TRAF3: variants seen among roughly 807,000 people sequenced by gnomAD.
The protein encoded by TRAF3 is TNF receptor-associated factor 3.
Under a neutral mutation model 62.3 loss-of-function variants are expected in TRAF3, and 13 were observed. The observed-to-expected ratio is 0.21, with a 90% confidence interval of 0.14 to 0.33. The LOEUF is 0.33. TRAF3 is among the 10% of genes least tolerant of loss of function. The pLI is 1.00. For synonymous variants in TRAF3, 269 were observed against 283.4 expected (o/e 0.95, Z 0.51); for missense variants, 440 against 741.8 (o/e 0.59, Z 4.73).
At chr14:102,851,474 G>A (rs1457789716) in intron 2 of TRAF3, among the ~76,000 whole-genome samples, 1 of 152,238 alleles carries the variant, frequency 6.6e-6, no homozygotes, top group Non-Finnish European at 1.5e-5. Context: ...GCCGGGCGCA[G>A]TGGCTCAGGC....
Position 102,822,879 on chromosome 14 carries a change from G to A in TRAF3, c.-156-7455G>A, listed in dbSNP as rs1490155811. On this transcript the variant is annotated intron_variant, in intron 1 of 11. Coordinates refer to ENST00000392745, the MANE Select transcript of TRAF3 (RefSeq NM_145725.3). ...AAATTAGCCGGGCATGGTGGCACAT[G>A]CCTGTAATTCCAGCTACTGGGGAGG... 4.6e-5 allele frequency among the ~76,000 whole-genome samples: 7 copies of A among 152,258 alleles called. No homozygotes were observed. The East Asian group carries it at 5.8e-4, about 13-fold the overall frequency.
In TRAF3 at chr14:102,905,823, C is replaced by T. The variant is rs1566813088; in HGVS notation, c.*39C>T. On this transcript the variant is annotated 3_prime_UTR_variant, in exon 12 of 12. Coordinates refer to ENST00000392745, the MANE Select transcript of TRAF3 (RefSeq NM_145725.3). The stretch of plus-strand genomic sequence containing the variant: ...AGGTGGATTTAGCAGAAGGCAACTC[C>T]TCTGGGGGATTTGAACCGGTCTGTC... 1 of 1,570,034 alleles carries T rather than the reference C, an allele frequency of 6.4e-7. No homozygotes were observed. The highest frequency in any genetic ancestry group is 1.4e-5 in the African/African-American group (1 of 73,930).
chr14:102,813,769 T>A (rs1488701578), intron 1 of TRAF3, among the ~76,000 whole-genome samples: 1 of 152,060 alleles, frequency 6.6e-6, no homozygotes, highest in South Asian at 2.1e-4. Flanking sequence ...ATTTTTTAAT[T>A]GGATTTTTTT....
chr14:102,805,688 G>A (rs8023164), intron 1 of TRAF3, among the ~76,000 whole-genome samples: 78,727 of 152,048 alleles, frequency 0.52, 22,804 homozygotes, highest in South Asian at 0.74. Context: ...ACGTTTTCCT[G>A]TGTCCTGTTG....
chr14:102,805,506 G>A (rs1037626163), intron 1 of TRAF3, among the ~76,000 whole-genome samples: 1 of 152,152 alleles, frequency 6.6e-6, no homozygotes, highest in Admixed American at 6.6e-5. Context: ...GAGACTCACC[G>A]CTGGACTCCA....
intron 1 of TRAF3, among the ~76,000 whole-genome samples, chr14:102,808,305 G>C (rs551568386): frequency 3.9e-5 from 6 of 152,150 alleles, no homozygotes; most frequent in Non-Finnish European, 7.3e-5. Flanking sequence ...CTGAGGTCAG[G>C]AGTTTGAGAC....
Position 102,903,320 on chromosome 14 carries a change from G to A in TRAF3, c.1026G>A (p.Gln342=). ...ELDKEIRPFR[Q]NWEEADSMKS... ...ACAAGGAGATCCGGCCCTTCCGGCA[G>A]AACTGGGAGGAAGCAGACAGCATGA... The change falls in exon 11 of 12, where the codon CAG becomes CAA. Residue 342 remains glutamine (Q), a synonymous_variant. Transcript: ENST00000392745. The surrounding 1 kb of genome is among the most constrained non-coding windows in gnomAD (Gnocchi z 6.4). 6.2e-7 allele frequency: 1 copy of A among 1,614,250 alleles called. No homozygotes were observed. Among genetic ancestry groups the A allele is most frequent in the Non-Finnish European group, 8.5e-7 (1 of 1,180,048 alleles).
In TRAF3 at chr14:102,793,799, A is replaced by G. The variant is rs181983504; in HGVS notation, c.-157+16124A>G. On this transcript the variant is annotated intron_variant, in intron 1 of 11. Transcript: ENST00000392745. ...ATGAAAAAGCCACAGATTGTTCCGG[A>G]TAATGGTTGCTGAATAAGAAACCAC... 1.1e-4 allele frequency among the ~76,000 whole-genome samples: 16 copies of G among 152,362 alleles called. No individual in the cohort carries two copies. The East Asian group carries it at 3.1e-3, about 29-fold the overall frequency.
intron 2 of TRAF3, among the ~76,000 whole-genome samples, chr14:102,865,377 C>G (rs1220468380): frequency 1.3e-5 from 2 of 152,200 alleles, no homozygotes; most frequent in Admixed American, 6.5e-5. Context: ...GGCTCATTTA[C>G]TAGTCTTACT....
chr14:102,870,756 A>C (rs956326311), intron 3 of TRAF3, among the ~76,000 whole-genome samples: 29 of 152,120 alleles, frequency 1.9e-4, no homozygotes, highest in Non-Finnish European at 3.5e-4. Context: ...TGGAGGAGAT[A>C]CACCAGGAAA....
rs1469042209 is a variant in TRAF3 at position 102,797,839 on chromosome 14, G to C, written c.-157+20164G>C. 2.6e-5 allele frequency among the ~76,000 whole-genome samples: 4 copies of C among 151,710 alleles called. No individual in the cohort carries two copies. The East Asian group carries it at 7.7e-4, about 29-fold the overall frequency. On this transcript the variant is annotated intron_variant, in intron 1 of 11. Transcript: ENST00000392745. ...CGCAACCTCCGCCACCCAGGTTCAA[G>C]CGATTCTCCCGCCTCAGCTTCCCGA... is the stretch of plus-strand genomic sequence containing the variant.
rs1239444492 is a variant in TRAF3 at position 102,903,750 on chromosome 14, A to C, written c.1135+321A>C. The C allele has an allele frequency of 3.9e-6, 2 of 512,654 alleles. No homozygotes were observed. The allele number at this position is 512,654 out of a possible 1,614,324, so 31.8% of individuals were successfully genotyped here. A position where few individuals can be genotyped will look rare whatever the true frequency, so the allele number is the denominator to read the frequency against. ...TGACCCACAGGACAGGCCCAAGCGC[A>C]GATGGCAGAGGCCAGGACCTGCTGG... On this transcript the variant is annotated intron_variant, in intron 11 of 11. Transcript: ENST00000392745. This position sits in a 1 kb window ranked among gnomAD's most constrained non-coding sequence, Gnocchi z 6.4.
intron 1 of TRAF3, among the ~76,000 whole-genome samples, chr14:102,805,563 T>G (rs1454170967): frequency 6.6e-6 from 1 of 152,174 alleles, no homozygotes. Context: ...TGCCCAAGAC[T>G]ACTGTTGGGT....
At chr14:102,798,078 A>G (rs1898198726) in intron 1 of TRAF3, among the ~76,000 whole-genome samples, 1 of 152,136 alleles carries the variant, frequency 6.6e-6, no homozygotes, top group Admixed American at 6.6e-5. Flanking sequence ...AGGACAGGAT[A>G]TGTCCACCAC....
intron 2 of TRAF3, among the ~76,000 whole-genome samples, chr14:102,837,641 T>TA (rs60254429): frequency 1.2e-3 from 167 of 144,464 alleles, no homozygotes; most frequent in Middle Eastern, 0.011. Context: ...TTCAAAACAG[T>TA]AAAAAAAAAA....
rs1305307277 is a variant in TRAF3 at position 102,908,256 on chromosome 14, A to G, written c.*2472A>G. The G allele has an allele frequency of 1.3e-5, 2 of 152,332 alleles. No individual in the cohort carries two copies. Among genetic ancestry groups the G allele is most frequent in the Non-Finnish European group, 2.9e-5 (2 of 68,100 alleles). 9.4% of individuals were successfully genotyped at this position (152,332 alleles called of 1,614,324 possible). ...GGGTCCCACAGACGTAACCTGAGTG[A>G]CAGGAGTCCTTGAGGATGGGATGGC... is the stretch of plus-strand genomic sequence containing the variant. On this transcript the variant is annotated 3_prime_UTR_variant, in exon 12 of 12. Coordinates refer to ENST00000392745, the MANE Select transcript of TRAF3 (RefSeq NM_145725.3).
chr14:102,824,442 T>C (rs1470525265), intron 1 of TRAF3, among the ~76,000 whole-genome samples: 4 of 152,276 alleles, frequency 2.6e-5, no homozygotes, highest in African/African-American at 9.6e-5. Flanking sequence ...TCTCTCTGCT[T>C]CCTCTTGGGG....
At chr14:102,895,412 A>G (rs1269332935) in intron 9 of TRAF3, among the ~76,000 whole-genome samples, 1 of 152,238 alleles carries the variant, frequency 6.6e-6, no homozygotes, top group Non-Finnish European at 1.5e-5. Flanking sequence ...TATGAAAAGG[A>G]CACCCATCTT....
At chr14:102,893,020 G>A (rs1017334094) in intron 9 of TRAF3, among the ~76,000 whole-genome samples, 2 of 152,046 alleles carry the variant, frequency 1.3e-5, no homozygotes, top group African/African-American at 2.4e-5. Flanking sequence ...TAAAATTATA[G>A]GCATAGATCA....
Sources: allele counts gnomAD v4.1 joint callset (sites outside exome capture counted in the v4.1 genomes callset), GRCh38; gene constraint gnomAD v4.1.1; non-coding constraint Gnocchi (gnomAD v3.1); transcripts MANE v1.5; gene names NCBI Gene and HGNC (gene_info 2026-07-23, HGNC 2026-07-21).